The following DSCAM variants were observed in gnomAD, a reference collection of about 807,000 sequenced individuals.
DSCAM encodes the protein cell adhesion molecule DSCAM.
A neutral mutation model predicts 217.7 loss-of-function variants in DSCAM; 47 were observed. That is an observed-to-expected ratio of 0.22 (90% CI 0.17 to 0.28). The LOEUF is 0.28. DSCAM is among the 10% of genes least tolerant of loss of function. The pLI, the probability that DSCAM is intolerant of heterozygous loss-of-function variation, is 1.00. For missense variants in DSCAM, 2,080 were observed against 2,618.3 expected (o/e 0.79, Z 4.49); for synonymous variants, 1,056 against 1,015.3 (o/e 1.04, Z -0.76).
At chr21:40,245,463 T>A (rs750342831) in intron 11 of DSCAM, among the ~76,000 whole-genome samples, 1 of 152,128 alleles carries the variant, frequency 6.6e-6, no homozygotes, top group Admixed American at 6.5e-5. Flanking sequence ...TGCTGGGTGA[T>A]TTCGCATGAG....
chr21:40,085,792 G>A (rs1291132336), intron 22 of DSCAM, 27 bp from the exon 23 acceptor site: 2 of 1,447,794 alleles, frequency 1.4e-6, no homozygotes, highest in African/African-American at 1.4e-5. Flanking sequence ...AAAATGCACA[G>A]ATTAAAGAAA....
intron 27 of DSCAM, among the ~76,000 whole-genome samples, chr21:40,073,265 C>T (rs575104925): frequency 3.3e-5 from 5 of 151,960 alleles, no homozygotes; most frequent in Non-Finnish European, 7.4e-5. Context: ...GGGTGTAGAC[C>T]GATGAGAAGC....
rs201672838 is a variant in DSCAM, at chr21:40,121,681, C to CTTTTTTTTTTTTTTTTTTTT, written c.3696+2494_3696+2513dup. On this transcript the variant is annotated intron_variant, in intron 20 of 32. Transcript: ENST00000400454. ...CTGGTGGGTTTGCTCTCATTACTGT[C>CTTTTTTTTTTTTTTTTTTTT]TTTTTTTTTTTTTTTTTTTTTTTTT... Among the ~76,000 whole-genome samples, 29 of 73,746 alleles carry CTTTTTTTTTTTTTTTTTTTT rather than the reference C, an allele frequency of 3.9e-4. 4 individuals carry two copies. Among genetic ancestry groups the CTTTTTTTTTTTTTTTTTTTT allele is most frequent in the African/African-American group, 1.2e-3 (21 of 17,394 alleles). 48.4% of individuals were successfully genotyped at this position (73,746 alleles called of 152,430 possible).
intron 3 of DSCAM, among the ~76,000 whole-genome samples, chr21:40,491,554 A>G (rs1025432436): frequency 3.9e-5 from 6 of 151,990 alleles, no homozygotes; most frequent in Non-Finnish European, 2.9e-5. Context: ...AGTACCCTGT[A>G]CCATTCAAGG....
At chr21:40,352,602 A>C (rs2074644422) in intron 5 of DSCAM, among the ~76,000 whole-genome samples, 2 of 152,186 alleles carry the variant, frequency 1.3e-5, no homozygotes, top group African/African-American at 4.8e-5. Flanking sequence ...GTAAGAAAAC[A>C]CTTCTATTGT....
intron 3 of DSCAM, among the ~76,000 whole-genome samples, chr21:40,528,901 T>A (rs2076421273): frequency 7.6e-6 from 1 of 131,872 alleles, no homozygotes; most frequent in South Asian, 2.8e-4. Context: ...CTTTCCACTT[T>A]TTTTTTTTTT....
chr21:40,280,082 AC>A (rs1168744384), intron 10 of DSCAM, among the ~76,000 whole-genome samples: 3 of 152,040 alleles, frequency 2.0e-5, no homozygotes, highest in Non-Finnish European at 4.4e-5. Context: ...TACCTATGTA[AC>A]AAACCTACAC....
At chr21:40,341,583 G>T (rs965682922) in intron 6 of DSCAM, among the ~76,000 whole-genome samples, 1 of 152,134 alleles carries the variant, frequency 6.6e-6, no homozygotes, top group Admixed American at 6.5e-5. Context: ...TTCCTTAAGT[G>T]CTCCTTTCAA....
At chr21:40,810,914 T>A (rs2091832178) in intron 1 of DSCAM, among the ~76,000 whole-genome samples, 1 of 146,422 alleles carries the variant, frequency 6.8e-6, no homozygotes, top group African/African-American at 2.6e-5. Flanking sequence ...CTAAAAAAAA[T>A]GCTATAGTTA....
chr21:40,397,123 T>C (rs2075185913), intron 3 of DSCAM, among the ~76,000 whole-genome samples: 1 of 152,234 alleles, frequency 6.6e-6, no homozygotes, highest in African/African-American at 2.4e-5. Context: ...GATTTGAGAC[T>C]GATCTTCTAT....
intron 3 of DSCAM, among the ~76,000 whole-genome samples, chr21:40,531,251 A>G (rs531291514): frequency 6.6e-6 from 1 of 152,130 alleles, no homozygotes; most frequent in East Asian, 1.9e-4. Flanking sequence ...CCTCTCCCCA[A>G]GGCTGCTGCC....
At chr21:40,222,873 T>C (rs1253227448) in intron 11 of DSCAM, among the ~76,000 whole-genome samples, 3 of 152,216 alleles carry the variant, frequency 2.0e-5, no homozygotes, top group Non-Finnish European at 2.9e-5. Context: ...TTCTATATAA[T>C]TGAGACAATT....
At chr21:40,087,368 G>A in intron 21 of DSCAM, 81 bp from the exon 22 acceptor site, 1 of 1,023,046 alleles carries the variant, frequency 9.8e-7, no homozygotes, top group Non-Finnish European at 1.5e-6. Flanking sequence ...CTCAATAAGG[G>A]CAATACCTAA....
chr21:40,564,842 G>A (rs934078365), intron 3 of DSCAM, among the ~76,000 whole-genome samples: 5 of 151,992 alleles, frequency 3.3e-5, no homozygotes, highest in African/African-American at 1.2e-4. Context: ...CCTAATTAGG[G>A]TGAGAAGCTG....
chr21:40,804,882 A>C (rs374271815), intron 1 of DSCAM, among the ~76,000 whole-genome samples: 16 of 152,096 alleles, frequency 1.1e-4, no homozygotes, highest in African/African-American at 3.1e-4. Context: ...ATTGTACCCC[A>C]CCCAATTGTA....
chr21:40,509,188 C>A (rs186008860), intron 3 of DSCAM, among the ~76,000 whole-genome samples: 120 of 152,066 alleles, frequency 7.9e-4, no homozygotes, highest in Middle Eastern at 3.4e-3. Context: ...GTTACACAAG[C>A]AAGGGAAGAA....
At position 40,128,699 on chromosome 21, in the gene DSCAM, C is replaced by CAA. The variant is rs527919207; in HGVS notation, c.3563-4373_3563-4372dup. Among the ~76,000 whole-genome samples, 26 of 89,042 alleles carry CAA rather than the reference C, an allele frequency of 2.9e-4. 1 individual carries two copies. Among genetic ancestry groups the CAA allele is most frequent in the African/African-American group, 4.8e-4 (13 of 26,824 alleles). The allele number at this position is 89,042 out of a possible 152,430, so 58.4% of individuals were successfully genotyped here. Reference sequence around the variant, plus strand: ...TGGTGACTCCAGCCTCATAACCAAACAAAAAAAAAAAAAAAAAAAGATCCC... The same window carrying CAA: ...TGGTGACTCCAGCCTCATAACCAAACAAAAAAAAAAAAAAAAAAAAAGATCCC... On this transcript the variant is annotated intron_variant, in intron 19 of 32. Transcript: ENST00000400454.
intron 32 of DSCAM, among the ~76,000 whole-genome samples, chr21:40,035,788 A>G (rs1394191132): frequency 6.8e-6 from 1 of 146,752 alleles, no homozygotes; most frequent in African/African-American, 2.7e-5. Flanking sequence ...CAGCAAATGT[A>G]AAAGAACAGA....
rs2088161185 is a variant in DSCAM, at chr21:40,016,521, CTAAAG to C, written c.5687-3140_5687-3136del. 6.6e-6 allele frequency among the ~76,000 whole-genome samples: 1 copy of C among 152,188 alleles called. No individual in the cohort carries two copies. The highest frequency in any genetic ancestry group is 1.5e-5 in the Non-Finnish European group (1 of 68,026). The stretch of plus-strand genomic sequence containing the variant: ...ATGACTCACTGCTCGTTTTCTGAGT[CTAAAG>C]TAACTGAACATTCTTGTTTCTTTTG... On this transcript the variant is annotated intron_variant, in intron 32 of 32. Transcript: ENST00000400454. The surrounding 1 kb of genome is among the most constrained non-coding windows in gnomAD (Gnocchi z 4.3).
Sources: gnomAD v4.1 joint callset for allele counts (sites outside exome capture counted in the v4.1 genomes callset) on GRCh38, gnomAD v4.1.1 for gene constraint, Gnocchi (gnomAD v3.1) non-coding constraint, MANE v1.5 for transcripts, NCBI Gene and HGNC (gene_info 2026-07-23, HGNC 2026-07-21) for gene names.